The following CALCRL variants were observed in gnomAD, a reference collection of about 807,000 sequenced individuals.
CALCRL encodes the protein calcitonin receptor like receptor, also known as calcitonin gene-related peptide type 1 receptor.
In CALCRL, 27 loss-of-function variants were observed where a neutral mutation model predicts 60.4. That is an observed-to-expected ratio of 0.45 (90% CI 0.33 to 0.62). The LOEUF is 0.62. Among genes scored for constraint, CALCRL ranks in the 20% least tolerant of loss-of-function variants. The probability of loss-of-function intolerance (pLI) is 0.03; values close to 1 mark genes in which losing one functional copy is unlikely to be tolerated. For synonymous variants in CALCRL, 190 were observed against 182.6 expected (o/e 1.04, Z -0.33); for missense variants, 424 against 540.7 (o/e 0.78, Z 2.14).
rs147565266 is a variant in CALCRL at position 187,446,788 on chromosome 2, T to A, written c.-293+1251A>T. Among the ~76,000 whole-genome samples the A allele has an allele frequency of 3.3e-5, 5 of 151,976 alleles. No homozygotes were observed. The East Asian group carries it at 9.7e-4, about 29-fold the overall frequency. On this transcript the variant is annotated intron_variant, in intron 1 of 14. Coordinates refer to ENST00000392370, the MANE Select transcript of CALCRL (RefSeq NM_005795.6). Reference sequence around the variant, plus strand: ...TCTTAAAGAATCACAAATCTAAGAATTAATTTAAATTTTCATTATATTGAG... The same window carrying A: ...TCTTAAAGAATCACAAATCTAAGAAATAATTTAAATTTTCATTATATTGAG...
intron 1 of CALCRL, among the ~76,000 whole-genome samples, chr2:187,440,201 T>C (rs922715199): frequency 2.6e-5 from 4 of 151,816 alleles, no homozygotes; most frequent in African/African-American, 7.3e-5. Flanking sequence ...TAGGTTGAAC[T>C]AAAATGTCCA....
intron 1 of CALCRL, among the ~76,000 whole-genome samples, chr2:187,410,657 G>C (rs1314528716): frequency 6.6e-6 from 1 of 152,192 alleles, no homozygotes; most frequent in Admixed American, 6.5e-5. Flanking sequence ...ACTGGTTTGA[G>C]CTAAGTTTAA....
intron 1 of CALCRL, among the ~76,000 whole-genome samples, chr2:187,432,572 C>CAAA: frequency 6.6e-6 from 1 of 152,178 alleles, no homozygotes; most frequent in East Asian, 1.9e-4. Flanking sequence ...TTTTGTAAAT[C>CAAA]AAAAATCACT....
At chr2:187,376,596 C>CA (rs755848182) in intron 8 of CALCRL, among the ~76,000 whole-genome samples, 8 of 152,118 alleles carry the variant, frequency 5.3e-5, no homozygotes, top group Admixed American at 4.6e-4. Context: ...AATTAGTTCA[C>CA]AGCAAGCATT....
chr2:187,358,650 A>T (rs1394730990), intron 12 of CALCRL, among the ~76,000 whole-genome samples: 1 of 151,954 alleles, frequency 6.6e-6, no homozygotes. Flanking sequence ...AAACCAAAAG[A>T]TAAGAGTATG....
At chr2:187,412,658 A>C (rs1421248009) in intron 1 of CALCRL, among the ~76,000 whole-genome samples, 1 of 152,220 alleles carries the variant, frequency 6.6e-6, no homozygotes, top group Admixed American at 6.5e-5. Flanking sequence ...TGCTTGACAT[A>C]CTATTTTAAA....
chr2:187,346,828 C>T (rs1017992229), intron 14 of CALCRL, among the ~76,000 whole-genome samples: 4 of 135,312 alleles, frequency 3.0e-5, no homozygotes, highest in Non-Finnish European at 4.9e-5. Context: ...AGTTAGGATA[C>T]GAAGAATACA....
chr2:187,412,118 G>A (rs115883671), intron 1 of CALCRL, among the ~76,000 whole-genome samples: 2,171 of 152,210 alleles, frequency 0.014, 16 homozygotes, highest in Non-Finnish European at 0.023. Context: ...TTTAATGGGA[G>A]TGAAGTTACT....
intron 5 of CALCRL, 117 bp from the exon 6 acceptor site, chr2:187,380,904 A>G (rs993118734): frequency 3.5e-6 from 2 of 568,310 alleles, no homozygotes; most frequent in Non-Finnish European, 6.1e-6. Flanking sequence ...GAAAATGCAG[A>G]CATTATATGA....
At chr2:187,354,789 A>G (rs1686700352) in intron 12 of CALCRL, among the ~76,000 whole-genome samples, 1 of 152,064 alleles carries the variant, frequency 6.6e-6, no homozygotes, top group Non-Finnish European at 1.5e-5. Flanking sequence ...CTTAAAGTTT[A>G]CATGAACAGA....
chr2:187,413,061 G>A (rs1237114028), intron 1 of CALCRL, among the ~76,000 whole-genome samples: 1 of 152,128 alleles, frequency 6.6e-6, no homozygotes, highest in African/African-American at 2.4e-5. Context: ...TGGTATATAA[G>A]GATTTATCTC....
chr2:187,424,994 G>A (rs910859153), intron 1 of CALCRL, among the ~76,000 whole-genome samples: 1 of 151,794 alleles, frequency 6.6e-6, no homozygotes, highest in Non-Finnish European at 1.5e-5. Flanking sequence ...CTACATAAGG[G>A]AAATCAACAC....
At chr2:187,348,595 A>T (rs978763437) in intron 14 of CALCRL, among the ~76,000 whole-genome samples, 2 of 151,658 alleles carry the variant, frequency 1.3e-5, no homozygotes, top group Admixed American at 1.3e-4. Flanking sequence ...TAAAATATCT[A>T]CTTTGATTAA....
intron 1 of CALCRL, among the ~76,000 whole-genome samples, chr2:187,396,223 A>G (rs1688647929): frequency 6.6e-6 from 1 of 151,664 alleles, no homozygotes; most frequent in African/African-American, 2.4e-5. Context: ...TCTTGCTCTC[A>G]CCTCTTCATA....
intron 1 of CALCRL, among the ~76,000 whole-genome samples, chr2:187,441,342 G>T (rs1240337224): frequency 1.3e-5 from 2 of 151,852 alleles, no homozygotes; most frequent in Non-Finnish European, 2.9e-5. Flanking sequence ...ACCAGGTTTT[G>T]TCATTTTAGA....
intron 1 of CALCRL, among the ~76,000 whole-genome samples, chr2:187,390,830 C>T (rs918141722): frequency 2.6e-5 from 4 of 152,090 alleles, no homozygotes; most frequent in Admixed American, 2.6e-4. Flanking sequence ...GATAGAGCAG[C>T]AAGTTTAGGT....
At chr2:187,361,028 GTT>G (rs1297490454) in intron 9 of CALCRL, among the ~76,000 whole-genome samples, 1 of 151,962 alleles carries the variant, frequency 6.6e-6, no homozygotes, top group Non-Finnish European at 1.5e-5. Context: ...TTCTGAATGT[GTT>G]TTTGTTGTTA....
At chr2:187,355,286 T>G (rs1480623231) in intron 12 of CALCRL, among the ~76,000 whole-genome samples, 1 of 152,088 alleles carries the variant, frequency 6.6e-6, no homozygotes, top group Non-Finnish European at 1.5e-5. Context: ...GACTCTTTTA[T>G]GCACACAATG....
chr2:187,412,601 T>C (rs760886433), intron 1 of CALCRL, among the ~76,000 whole-genome samples: 2 of 152,242 alleles, frequency 1.3e-5, no homozygotes, highest in Admixed American at 6.5e-5. Context: ...TATCTGGAAT[T>C]TAAATCATAG....
Sources: gnomAD v4.1 joint callset for allele counts (sites outside exome capture counted in the v4.1 genomes callset) on GRCh38, gnomAD v4.1.1 for gene constraint, MANE v1.5 for transcripts, NCBI Gene and HGNC (gene_info 2026-07-23, HGNC 2026-07-21) for gene names.